The following PSMD1 variants were observed in gnomAD, a reference collection of about 807,000 sequenced individuals.
The protein encoded by PSMD1 is 26S proteasome non-ATPase regulatory subunit 1.
In PSMD1, 18 loss-of-function variants were observed where a neutral mutation model predicts 119.0. The ratio of observed to expected loss-of-function variants is 0.15; its 90% CI spans 0.10 to 0.22. PSMD1 has a LOEUF of 0.22. Ranked by LOEUF, PSMD1 falls within the 10% of genes least tolerant of loss-of-function variation. PSMD1 has a pLI of 1.00. For missense variants in PSMD1, 702 were observed against 1,158.5 expected, an observed-to-expected ratio of 0.61 and a Z score of 5.72; for synonymous variants, 374 against 396.6, an observed-to-expected ratio of 0.94 and a Z score of 0.68.
chr2:231,059,778 A>G (rs180933137), intron 1 of PSMD1, among the ~76,000 whole-genome samples: 11 of 152,368 alleles, frequency 7.2e-5, no homozygotes, highest in Admixed American at 6.5e-4. Context: ...CTATAACGGC[A>G]TAAGAGGCTT....
intron 18 of PSMD1, among the ~76,000 whole-genome samples, chr2:231,151,291 T>C (rs1212596736): frequency 6.6e-6 from 1 of 152,116 alleles, no homozygotes. Context: ...ATTGTTTTGC[T>C]TGTCTTTTTA....
chr2:231,123,111 A>G (rs1363801671), intron 16 of PSMD1, among the ~76,000 whole-genome samples: 1 of 152,208 alleles, frequency 6.6e-6, no homozygotes, highest in Non-Finnish European at 1.5e-5. Context: ...CCTATTTACT[A>G]TAATTTATAG....
chr2:231,123,621 C>G (rs757489636), intron 16 of PSMD1: 1 of 1,614,078 alleles, frequency 6.2e-7, no homozygotes, highest in South Asian at 1.1e-5. Flanking sequence ...TTCCCTGTTC[C>G]TCAACAATCT....
chr2:231,154,068 G>A (rs536362509), intron 19 of PSMD1, among the ~76,000 whole-genome samples: 14 of 151,976 alleles, frequency 9.2e-5, no homozygotes, highest in East Asian at 7.7e-4. Flanking sequence ...AGTCGAGATC[G>A]CGCCATTGCA....
At chr2:231,133,912 C>T (rs991341258) in intron 16 of PSMD1, among the ~76,000 whole-genome samples, 1 of 152,162 alleles carries the variant, frequency 6.6e-6, no homozygotes, top group Non-Finnish European at 1.5e-5. Flanking sequence ...TGCATATGCC[C>T]TTGCACAATT....
rs529884860 is a variant in PSMD1 at position 231,093,417 on chromosome 2, A to T, written c.1883+6236A>T. Among the ~76,000 whole-genome samples, 5 of 152,190 alleles carry T rather than the reference A, an allele frequency of 3.3e-5. No individual in the cohort carries two copies. In the East Asian group the frequency reaches 9.6e-4, roughly 29 times the overall value. On this transcript the variant is annotated intron_variant, in intron 16 of 24. Coordinates refer to ENST00000308696, the MANE Select transcript of PSMD1 (RefSeq NM_002807.4). ...TAAAGTCCGGGGCTTGTGTCATCCT[A>T]GGAAGCCGCGTCGTCCGGGGCTGCT...
chr2:231,143,441 G>T (rs13390070), intron 17 of PSMD1, among the ~76,000 whole-genome samples: 1 of 152,166 alleles, frequency 6.6e-6, no homozygotes. Flanking sequence ...TGTTGGTCAG[G>T]CTGGTCTCGG....
rs557535993 is a variant in PSMD1, at chr2:231,093,058, T to C, written c.1883+5877T>C. Among the ~76,000 whole-genome samples, 9 of 152,212 alleles carry C rather than the reference T, an allele frequency of 5.9e-5. No individual in the cohort carries two copies. In the South Asian group the frequency reaches 1.9e-3, roughly 32 times the overall value. The stretch of plus-strand genomic sequence containing the variant: ...TCAATCCCTCCTAGCCAAGCAGTTA[T>C]GTTATTAGAGGTTGGGAAGGGGGTG... On this transcript the variant is annotated intron_variant, in intron 16 of 24. Coordinates refer to ENST00000308696, the MANE Select transcript of PSMD1 (RefSeq NM_002807.4).
At position 231,062,151 on chromosome 2, in the gene PSMD1, T is replaced by C. The variant is rs1322091621; in HGVS notation, c.61-97T>C. On this transcript the variant is annotated intron_variant, in intron 2 of 24. Coordinates refer to ENST00000308696, the MANE Select transcript of PSMD1 (RefSeq NM_002807.4). Reference sequence around the variant, plus strand: ...CATAGAGTAAAAGTTTGAGTAAATATTACTGAGGATTTGATCATTGATTTG... The same window carrying C: ...CATAGAGTAAAAGTTTGAGTAAATACTACTGAGGATTTGATCATTGATTTG... 3 of 754,698 alleles carry C rather than the reference T, an allele frequency of 4.0e-6. No individual in the cohort carries two copies. The East Asian group carries it at 7.9e-5, about 20-fold the overall frequency. The allele number at this position is 754,698 out of a possible 1,614,324, so 46.8% of individuals were successfully genotyped here.
At chr2:231,095,509 T>C (rs1694702052) in intron 16 of PSMD1, among the ~76,000 whole-genome samples, 2 of 152,194 alleles carry the variant, frequency 1.3e-5, no homozygotes, top group South Asian at 2.1e-4. Context: ...ATCCATAAAA[T>C]GAATAATCTT....
intron 14 of PSMD1, among the ~76,000 whole-genome samples, chr2:231,084,340 A>G (rs1694382520): frequency 6.6e-6 from 1 of 152,076 alleles, no homozygotes; most frequent in South Asian, 2.1e-4. Flanking sequence ...TGACAGAGCA[A>G]GACTCCATCT....
chr2:231,109,736 A>G (rs555035077), intron 16 of PSMD1, among the ~76,000 whole-genome samples: 1 of 152,192 alleles, frequency 6.6e-6, no homozygotes, highest in South Asian at 2.1e-4. Flanking sequence ...TTTTTAAGCT[A>G]TCTCAGATTA....
chr2:231,107,700 G>C (rs1695009543), intron 16 of PSMD1, among the ~76,000 whole-genome samples: 1 of 152,324 alleles, frequency 6.6e-6, no homozygotes, highest in East Asian at 1.9e-4. Context: ...AAGTTCACTT[G>C]AGTCACTGGA....
intron 11 of PSMD1, 68 bp from the exon 12 acceptor site, chr2:231,080,073 T>G: frequency 1.4e-6 from 2 of 1,387,724 alleles, no homozygotes; most frequent in Non-Finnish European, 9.8e-7. Context: ...GCAGTAATCA[T>G]AGAAAACATT....
In PSMD1 at chr2:231,075,573, T is replaced by G; in HGVS notation, c.942+2T>G. The G allele has an allele frequency of 6.2e-7, 1 of 1,602,028 alleles. No individual in the cohort carries two copies. Among genetic ancestry groups the G allele is most frequent in the Non-Finnish European group, 8.5e-7 (1 of 1,176,124 alleles). On this transcript the variant is annotated splice_donor_variant, in intron 8 of 24. Transcript: ENST00000308696. LOFTEE classifies it high-confidence loss of function. ...TTTGTAGGAAAGACACCAGAAGCCG[T>G]GAGTGTGCTTTTTTTTTTTCCTTTG... is the stretch of plus-strand genomic sequence containing the variant.
At chr2:231,115,029 A>G (rs975468094) in intron 16 of PSMD1, among the ~76,000 whole-genome samples, 15 of 152,250 alleles carry the variant, frequency 9.9e-5, no homozygotes, top group African/African-American at 3.6e-4. Flanking sequence ...TCTTCTGGCT[A>G]TTGCAGGTAT....
At chr2:231,140,576 G>A (rs1161216103) in intron 17 of PSMD1, among the ~76,000 whole-genome samples, 2 of 151,062 alleles carry the variant, frequency 1.3e-5, no homozygotes, top group African/African-American at 4.9e-5. Flanking sequence ...TTGAGGCTGG[G>A]AATAAAAATA....
intron 17 of PSMD1, among the ~76,000 whole-genome samples, chr2:231,145,848 G>A (rs1170230912): frequency 6.8e-5 from 9 of 133,162 alleles, no homozygotes; most frequent in Non-Finnish European, 1.1e-4. Context: ...AGCCAAGATC[G>A]CGCCATTGCA....
Position 231,057,136 on chromosome 2 carries a change from G to A in PSMD1, c.16+95G>A, listed in dbSNP as rs545434019. On this transcript the variant is annotated intron_variant, in intron 1 of 24. Coordinates refer to ENST00000308696, the MANE Select transcript of PSMD1 (RefSeq NM_002807.4). ...GCCGGTGACTGGGCGCCTCCCGGCG[G>A]AACGCCGGCCTGGGCAGCTTCTTGC... 7.9e-6 allele frequency: 11 copies of A among 1,393,656 alleles called. No individual in the cohort carries two copies. In the East Asian group the frequency reaches 1.2e-4, roughly 15 times the overall value. The allele number at this position is 1,393,656 out of a possible 1,614,324, so 86.3% of individuals were successfully genotyped here. A position where few individuals can be genotyped will look rare whatever the true frequency, so the allele number is the denominator to read the frequency against.
Sources: gnomAD v4.1 joint callset for allele counts (sites outside exome capture counted in the v4.1 genomes callset) on GRCh38, gnomAD v4.1.1 for gene constraint, MANE v1.5 for transcripts, NCBI Gene and HGNC (gene_info 2026-07-23, HGNC 2026-07-21) for gene names.